Variants in RAD54B observed in about 807,000 individuals in gnomAD.
RAD54B encodes DNA repair and recombination protein RAD54B.
In RAD54B, 78 loss-of-function variants were observed where a neutral mutation model predicts 95.8. The observed-to-expected ratio is 0.81, with a 90% CI of 0.68 to 0.98. The LOEUF is 0.98. Ranked by LOEUF, RAD54B falls within the 50% of genes least tolerant of loss-of-function variation. The probability of loss-of-function intolerance (pLI) is 0.00; values close to 1 mark genes in which losing one functional copy is unlikely to be tolerated. For synonymous variants in RAD54B, 328 were observed against 354.9 expected (o/e 0.92, Z 0.85); for missense variants, 957 against 1,056.6 (o/e 0.91, Z 1.31).
chr8:94,452,729 C>T (rs1812689808), intron 3 of RAD54B, among the ~76,000 whole-genome samples: 1 of 152,098 alleles, frequency 6.6e-6, no homozygotes, highest in Non-Finnish European at 1.5e-5. Flanking sequence ...GATCTCCTGA[C>T]CTCATGATCC....
intron 2 of RAD54B, among the ~76,000 whole-genome samples, chr8:94,461,530 T>A (rs1163690294): frequency 6.6e-6 from 1 of 152,152 alleles, no homozygotes; most frequent in African/African-American, 2.4e-5. Flanking sequence ...AAAAACCTGA[T>A]AAATTTTTTT....
At position 94,378,596 on chromosome 8, in the gene RAD54B, A is replaced by G. The variant is rs1190038021; in HGVS notation, c.2286T>C (p.Pro762=). ...SRVWRDGQKY[P]VHIYRLLTTG... ...TAGTTAGGAGTCTGTAAATATGTAC[A>G]GGATATTTCTGACCATCTCTCCATA... The change falls in exon 13 of 15, where the codon CCT becomes CCC. Residue 762 remains proline, a synonymous_variant. Transcript: ENST00000336148. The G allele has an allele frequency of 3.7e-5, 60 of 1,609,898 alleles. No individual in the cohort carries two copies. Among genetic ancestry groups the G allele is most frequent in the Non-Finnish European group, 5.0e-5 (59 of 1,177,544 alleles).
rs187986458 is a variant in RAD54B at position 94,431,993 on chromosome 8, A to C, written c.305-20678T>G. 6,473 of 1,308,540 alleles carry C rather than the reference A, an allele frequency of 4.9e-3. 32 individuals are homozygous for C. The highest frequency in any genetic ancestry group is 5.0e-3 in the Non-Finnish European group (5,178 of 1,025,992). 81.1% of individuals were successfully genotyped at this position (1,308,540 alleles called of 1,614,324 possible). The stretch of plus-strand genomic sequence containing the variant: ...AATATCTCAAAAGAAAATAATTAGA[A>C]AATTATATCTAAAAAGTTTTTCCAT... On this transcript the variant is annotated intron_variant, in intron 3 of 14. Transcript: ENST00000336148.
At chr8:94,406,171 C>T (rs765085105) in intron 5 of RAD54B, among the ~76,000 whole-genome samples, 6 of 151,986 alleles carry the variant, frequency 3.9e-5, no homozygotes, top group Non-Finnish European at 5.9e-5. Flanking sequence ...TAAATCTCTA[C>T]GGTGGTTATT....
intron 3 of RAD54B, chr8:94,427,989 CT>C: frequency 1.1e-6 from 1 of 925,668 alleles, no homozygotes; most frequent in African/African-American, 1.8e-5. Flanking sequence ...AAGAAAAATA[CT>C]TGACTATTTT....
intron 14 of RAD54B, chr8:94,373,062 G>C (rs1203468639): frequency 6.6e-6 from 1 of 152,178 alleles, no homozygotes; most frequent in Non-Finnish European, 1.5e-5. Context: ...AGGGCACCCT[G>C]AGGAAATGTT....
intron 11 of RAD54B, among the ~76,000 whole-genome samples, chr8:94,382,512 T>C (rs1488199675): frequency 2.7e-5 from 4 of 148,514 alleles, no homozygotes; most frequent in African/African-American, 9.7e-5. Context: ...CTCCCATCTT[T>C]CTTAGGAAAC....
At position 94,418,359 on chromosome 8, in the gene RAD54B, T is replaced by C. The variant is rs1245773229; in HGVS notation, c.305-7044A>G. On this transcript the variant is annotated intron_variant, in intron 3 of 14. Transcript: ENST00000336148. ...TGACAAATTTTTCTCCACGAAAGGT[T>C]GTATCAATGATATTCCCACCAAGCA... Among the ~76,000 whole-genome samples, 22 of 152,212 alleles carry C rather than the reference T, an allele frequency of 1.4e-4. 1 individual carries two copies. Among genetic ancestry groups the C allele is most frequent in the Admixed American group, 1.4e-3 (22 of 15,284 alleles).
intron 6 of RAD54B, among the ~76,000 whole-genome samples, 164 bp from the exon 7 acceptor site, chr8:94,400,627 A>G (rs1276108896): frequency 6.6e-6 from 1 of 152,214 alleles, no homozygotes; most frequent in East Asian, 1.9e-4. Context: ...AATTATATCC[A>G]TTACATATTG....
chr8:94,474,344 A>AC (rs1481815478), intron 1 of RAD54B, among the ~76,000 whole-genome samples: 1 of 152,138 alleles, frequency 6.6e-6, no homozygotes, highest in Non-Finnish European at 1.5e-5. Context: ...CTGCACATGT[A>AC]CCCCCAAATC....
intron 3 of RAD54B, among the ~76,000 whole-genome samples, chr8:94,414,909 A>G (rs1438098039): frequency 1.3e-5 from 2 of 152,244 alleles, no homozygotes; most frequent in South Asian, 2.1e-4. Context: ...CATGGGTAGG[A>G]AGAATCAATA....
At chr8:94,433,559 C>T (rs573631312) in intron 3 of RAD54B, among the ~76,000 whole-genome samples, 3 of 151,964 alleles carry the variant, frequency 2.0e-5, no homozygotes, top group Non-Finnish European at 4.4e-5. Context: ...CCAATGGAGA[C>T]AACTACAGCT....
intron 3 of RAD54B, among the ~76,000 whole-genome samples, chr8:94,435,090 G>T (rs919367333): frequency 1.3e-5 from 2 of 151,972 alleles, no homozygotes; most frequent in East Asian, 1.9e-4. Context: ...TTATACCTGC[G>T]ATGCAAAAAA....
chr8:94,389,820 C>G (rs901829078), intron 10 of RAD54B, among the ~76,000 whole-genome samples: 36 of 152,254 alleles, frequency 2.4e-4, no homozygotes, highest in African/African-American at 8.4e-4. Context: ...ATTATGTACC[C>G]TATTTGAAGT....
At chr8:94,430,083 G>GCGGGCAGATCACGAGGT (rs1812050200) in intron 3 of RAD54B, 1 of 915,216 alleles carries the variant, frequency 1.1e-6, no homozygotes, top group Non-Finnish European at 1.3e-6. Context: ...GGAGGCCGAG[G>GCGGGCAGATCACGAGGT]CGGGCAGATC....
chr8:94,422,618 ATATATATATAT>A (rs1257056745), intron 3 of RAD54B, among the ~76,000 whole-genome samples: 3 of 24,130 alleles, frequency 1.2e-4, no homozygotes, highest in African/African-American at 8.2e-4. Context: ...AAAAAAAAAA[ATATATATATAT>A]ATATATATAT....
At position 94,391,825 on chromosome 8, in the gene RAD54B, G is replaced by A. The variant is rs1452855228; in HGVS notation, c.1593C>T (p.Thr531=). Residue 531 remains threonine (T), a synonymous_variant, in exon 10 of 15, where the codon ACC becomes ACT. Coordinates refer to ENST00000336148, the MANE Select transcript of RAD54B (RefSeq NM_012415.3). ...GGAGATATTTATTTATAATTTCTTGGGTTCTTCTAAGGATAAAGAGTCCAG... is the reference window on the plus strand; with the variant it reads ...GGAGATATTTATTTATAATTTCTTGAGTTCTTCTAAGGATAAAGAGTCCAG... ...CLTGLFILRR[T]QEIINKYLPP... 1 of 1,613,794 alleles carries A rather than the reference G, an allele frequency of 6.2e-7. No homozygotes were observed. The highest frequency in any genetic ancestry group is 1.7e-5 in the Admixed American group (1 of 59,998).
chr8:94,447,307 G>C (rs1171009447), intron 3 of RAD54B, among the ~76,000 whole-genome samples: 1 of 152,118 alleles, frequency 6.6e-6, no homozygotes, highest in Non-Finnish European at 1.5e-5. Context: ...GCCAAGTCTT[G>C]TCCTTGGTGT....
chr8:94,429,695 A>C, intron 3 of RAD54B: 6 of 983,316 alleles, frequency 6.1e-6, no homozygotes, highest in Non-Finnish European at 7.2e-6. Flanking sequence ...AGCACAGATT[A>C]AAGAGAAAAG....
Sources: gnomAD v4.1 joint callset for allele counts (sites outside exome capture counted in the v4.1 genomes callset) on GRCh38, gnomAD v4.1.1 for gene constraint, MANE v1.5 for transcripts, NCBI Gene and HGNC (gene_info 2026-07-23, HGNC 2026-07-21) for gene names.